Variants in POM121 observed in about 807,000 individuals in gnomAD.
The protein encoded by POM121 is nuclear envelope pore membrane protein POM 121.
POM121 carries 32 observed loss-of-function variants against 81.3 expected under a neutral mutation model. The observed-to-expected ratio is 0.39, with a 90% CI of 0.30 to 0.53. The LOEUF (loss-of-function observed/expected upper bound fraction) is 0.53, where lower values mean the gene tolerates loss of function less well. Among genes scored for constraint, POM121 ranks in the 20% least tolerant of loss-of-function variants. The pLI, the probability that POM121 is intolerant of heterozygous loss-of-function variation, is 0.66. For synonymous variants in POM121, 514 were observed against 694.2 expected, an observed-to-expected ratio of 0.74 and a Z score of 4.08; for missense variants, 1,138 against 1,614.6, an observed-to-expected ratio of 0.70 and a Z score of 5.06.
chr7:72,925,302 G>A lies in POM121; in HGVS notation c.181G>A (p.Gly61Arg), dbSNP rs1554496949. The change falls in exon 1 of 13, where the codon GGG becomes AGG. Residue 61 changes from glycine to arginine, a missense_variant. Physicochemically the swap from Gly to Arg is moderately radical, Grantham distance 125. Around this residue, in one of 7 missense-constraint regions of POM121, gnomAD observed 646 missense variants for 633.5 expected, o/e 1.02. Coordinates refer to ENST00000434423, the MANE Select transcript of POM121 (RefSeq NM_001387691.1). The part of the protein sequence containing the change: ...AAAALAWLTV[G>R]ATAAWWGLSR... Reference sequence around the variant, plus strand: ...GGCTGCACTGGCCTGGCTGACCGTGGGGGCTACCGCGGCCTGGTGGGGACT... The same window carrying A: ...GGCTGCACTGGCCTGGCTGACCGTGAGGGCTACCGCGGCCTGGTGGGGACT... The A allele has an allele frequency of 6.5e-7, 1 of 1,534,584 alleles. No homozygotes were observed. Among genetic ancestry groups the A allele is most frequent in the Non-Finnish European group, 8.7e-7 (1 of 1,146,492 alleles).
In POM121 at chr7:72,925,446, C is replaced by A. The variant is rs1458989305; in HGVS notation, c.325C>A (p.Pro109Thr). 1 of 1,533,884 alleles carries A rather than the reference C, an allele frequency of 6.5e-7. No homozygotes were observed. Among genetic ancestry groups the A allele is most frequent in the Admixed American group, 2.0e-5 (1 of 50,990 alleles). The change falls in exon 1 of 13, where the codon CCT becomes ACT. Residue 109 changes from proline (P) to threonine (T), a missense_variant. Coordinates refer to ENST00000434423, the MANE Select transcript of POM121 (RefSeq NM_001387691.1). The part of the protein sequence containing the change: ...ARHRRTLFAS[P>T]LAKSTANGNL... Reference sequence around the variant, plus strand: ...TCATCGGCGAACACTGTTCGCTTCGCCTCTGGCCAAGTCGACAGCCAACGG... The same window carrying A: ...TCATCGGCGAACACTGTTCGCTTCGACTCTGGCCAAGTCGACAGCCAACGG...
Position 72,938,577 on chromosome 7 carries a change from T to G in POM121, c.1276-13T>G. On this transcript the variant is annotated splice_polypyrimidine_tract_variant and intron_variant, in intron 5 of 12. Transcript: ENST00000434423. ...TTATCAGCAGGCTCAGTCATGTCCC[T>G]CTTGATTTTTAGCTCTGGAAGAGAA... The G allele has an allele frequency of 1.2e-6, 2 of 1,613,078 alleles. No homozygotes were observed. Among genetic ancestry groups the G allele is most frequent in the Non-Finnish European group, 1.7e-6 (2 of 1,179,086 alleles).
intron 3 of POM121, among the ~76,000 whole-genome samples, chr7:72,894,757 CAA>C (rs1486330030): frequency 1.3e-5 from 2 of 151,814 alleles, no homozygotes; most frequent in Non-Finnish European, 2.9e-5. Context: ...CTCCTGGACT[CAA>C]GAGATCCTCC....
upstream of POM121, among the ~76,000 whole-genome samples, chr7:72,922,641 C>A (rs563415426): frequency 6.6e-6 from 1 of 152,024 alleles, no homozygotes; most frequent in Admixed American, 6.6e-5. Context: ...ATCCGCCCAC[C>A]TTGGCCTCCA....
At chr7:72,936,947 A>T (rs1247222900) in intron 5 of POM121, among the ~76,000 whole-genome samples, 6 of 151,536 alleles carry the variant, frequency 4.0e-5, no homozygotes, top group Admixed American at 2.6e-4. Context: ...GCACTCGGCC[A>T]TCTATGTGCT....
Position 72,938,828 on chromosome 7 carries a change from A to G in POM121, c.1367+147A>G. The stretch of plus-strand genomic sequence containing the variant: ...AAGTCCCTGAGAGGTACAATGCAGT[A>G]CCCACCCGAAGTGCTGTCATCCCTA... On this transcript the variant is annotated intron_variant, in intron 6 of 12. Transcript: ENST00000434423. The G allele has an allele frequency of 3.2e-6, 3 of 949,438 alleles. No individual in the cohort carries two copies. In the South Asian group the frequency reaches 4.4e-5, roughly 14 times the overall value. The allele number at this position is 949,438 out of a possible 1,614,324, so 58.8% of individuals were successfully genotyped here. A position where few individuals can be genotyped will look rare whatever the true frequency, so the allele number is the denominator to read the frequency against.
At chr7:72,918,144 C>T (rs186345367) in intron 4 of POM121, among the ~76,000 whole-genome samples, 4 of 152,312 alleles carry the variant, frequency 2.6e-5, no homozygotes, top group Admixed American at 6.5e-5. Flanking sequence ...TACAGCATCA[C>T]GGAGACAATT....
chr7:72,895,741 T>C (rs1343605204), intron 3 of POM121, among the ~76,000 whole-genome samples: 1 of 151,924 alleles, frequency 6.6e-6, no homozygotes, highest in East Asian at 1.9e-4. Flanking sequence ...CCAACCCGTC[T>C]CTACTAAATA....
intron 8 of POM121, 42 bp downstream of exon 8, chr7:72,940,010 T>C (rs782249569): frequency 6.3e-7 from 1 of 1,597,396 alleles, no homozygotes; most frequent in South Asian, 1.1e-5. Context: ...CCGGCTTAGC[T>C]CTCCTAAGTA....
chr7:72,940,015 T>C, intron 8 of POM121, 47 bp downstream of exon 8: 2 of 1,597,428 alleles, frequency 1.3e-6, no homozygotes, highest in Non-Finnish European at 1.7e-6. Flanking sequence ...TTAGCTCTCC[T>C]AAGTATTAGG....
At chr7:72,883,837 G>C (rs1790407022) in intron 1 of POM121, among the ~76,000 whole-genome samples, 1 of 152,038 alleles carries the variant, frequency 6.6e-6, no homozygotes, top group Non-Finnish European at 1.5e-5. Context: ...TACTATTGCT[G>C]TGATTTGCCT....
At chr7:72,920,629 C>T (rs1246089767), upstream of POM121, among the ~76,000 whole-genome samples, 1 of 152,170 alleles carries the variant, frequency 6.6e-6, no homozygotes, top group Non-Finnish European at 1.5e-5. Context: ...GCTGGGATTA[C>T]AGGCGTGAGC....
intron 1 of POM121, among the ~76,000 whole-genome samples, chr7:72,882,049 T>G (rs1790211741): frequency 6.6e-6 from 1 of 152,224 alleles, no homozygotes; most frequent in African/African-American, 2.4e-5. Flanking sequence ...TAGTATATTT[T>G]AAGGCTGTTG....
chr7:72,886,512 T>C (rs1282222691), intron 1 of POM121, among the ~76,000 whole-genome samples: 2 of 152,138 alleles, frequency 1.3e-5, no homozygotes, highest in Non-Finnish European at 2.9e-5. Context: ...TGAGAGAAAA[T>C]ACACAGTTAC....
rs868966865 is a variant in POM121, at chr7:72,887,291, C to T, written c.-520-3336C>T. ...GATGAACTCTCTCAGTGCTCTGTGC[C>T]GGTTGTGAACTCTGTGTCAATTCTG... On this transcript the variant is annotated intron_variant, in intron 1 of 15. Coordinates refer to the POM121 transcript ENST00000395270. Among the ~76,000 whole-genome samples, 19 of 151,792 alleles carry T rather than the reference C, an allele frequency of 1.3e-4. No individual in the cohort carries two copies. In the South Asian group the frequency reaches 3.5e-3, roughly 28 times the overall value.
Position 72,926,353 on chromosome 7 carries a change from C to G in POM121, c.736C>G (p.Pro246Ala), listed in dbSNP as rs781804600. Residue 246 changes from proline to alanine, a missense_variant, in exon 2 of 13, where the codon CCC (proline) becomes GCC (alanine). Pro to Ala is a conservative substitution (Grantham distance 27). Around this residue, in one of 7 missense-constraint regions of POM121, gnomAD observed 646 missense variants for 633.5 expected, o/e 1.02. Transcript: ENST00000434423. Reference sequence around the variant, plus strand: ...CCAGTATTCCTGTCTGGGGGTACTTCCCACCGTGTGCTGGAATGGTTATCA... The same window carrying G: ...CCAGTATTCCTGTCTGGGGGTACTTGCCACCGTGTGCTGGAATGGTTATCA... ...QAQYSCLGVL[P>A]TVCWNGYHKK... 7 of 1,613,702 alleles carry G rather than the reference C, an allele frequency of 4.3e-6. No individual in the cohort carries two copies. Among genetic ancestry groups the G allele is most frequent in the Non-Finnish European group, 5.1e-6 (6 of 1,179,748 alleles).
chr7:72,934,761 T>G (rs1177448603), intron 5 of POM121, among the ~76,000 whole-genome samples: 1 of 152,210 alleles, frequency 6.6e-6, no homozygotes, highest in Non-Finnish European at 1.5e-5. Flanking sequence ...TACCCATTTC[T>G]CTTAGCAACA....
intron 4 of POM121, 72 bp downstream of exon 4, chr7:72,928,537 GATT>G: frequency 6.5e-7 from 1 of 1,535,580 alleles, no homozygotes; most frequent in Non-Finnish European, 9.0e-7. Flanking sequence ...TTGCCCTATA[GATT>G]TTCCTCTTTG....
Position 72,908,635 on chromosome 7 carries a change from T to A in POM121, c.-215-5130T>A, listed in dbSNP as rs569920393. On this transcript the variant is annotated intron_variant, in intron 3 of 15. Transcript: ENST00000395270. ...ACGGGAACTTATTTCCTCCCTTATC[T>A]GCAACCGTAAAAGACAGACGTTCCC... 2.6e-5 allele frequency among the ~76,000 whole-genome samples: 4 copies of A among 152,312 alleles called. No individual in the cohort carries two copies. In the South Asian group the frequency reaches 8.3e-4, roughly 32 times the overall value.
Sources: allele counts gnomAD v4.1 joint callset (sites outside exome capture counted in the v4.1 genomes callset), GRCh38; gene constraint gnomAD v4.1.1; regional missense constraint gnomAD v4.1.1; transcripts MANE v1.5; gene names NCBI Gene and HGNC (gene_info 2026-07-23, HGNC 2026-07-21).